Variants in MAGI1 observed in about 807,000 individuals in gnomAD.
The protein encoded by MAGI1 is membrane-associated guanylate kinase, WW and PDZ domain-containing protein 1.
Under a neutral mutation model 139.9 loss-of-function variants are expected in MAGI1, and 58 were observed. The ratio of observed to expected loss-of-function variants is 0.41; its 90% CI spans 0.34 to 0.52. MAGI1 has a LOEUF of 0.52. MAGI1 is among the 20% of genes least tolerant of loss of function. The pLI is 0.12. For missense variants in MAGI1, 1,874 were observed against 1,901.6 expected (o/e 0.99, Z 0.27); for synonymous variants, 812 against 737.9 (o/e 1.10, Z -1.63).
chr3:65,472,490 A>G (rs1039393260), intron 4 of MAGI1, among the ~76,000 whole-genome samples: 7 of 152,226 alleles, frequency 4.6e-5, no homozygotes, highest in African/African-American at 1.4e-4. Context: ...CCCATGAACT[A>G]AAAGAAAAAA....
chr3:65,761,133 T>A (rs2036991915), intron 1 of MAGI1, among the ~76,000 whole-genome samples: 2 of 152,158 alleles, frequency 1.3e-5, no homozygotes, highest in Admixed American at 1.3e-4. Flanking sequence ...TGATCTGGAA[T>A]CTTCAAGTCC....
At chr3:65,447,109 T>C (rs1011754736) in intron 7 of MAGI1, among the ~76,000 whole-genome samples, 11 of 152,214 alleles carry the variant, frequency 7.2e-5, no homozygotes, top group African/African-American at 2.2e-4. Flanking sequence ...CTCATACTGA[T>C]GTTAAACAAT....
At chr3:65,674,948 G>C (rs182570406) in intron 1 of MAGI1, among the ~76,000 whole-genome samples, 299 of 152,252 alleles carry the variant, frequency 2.0e-3, no homozygotes, top group African/African-American at 6.8e-3. Flanking sequence ...ATTTGCCTTT[G>C]CTCCTGGTTC....
intron 1 of MAGI1, among the ~76,000 whole-genome samples, chr3:65,899,334 G>A (rs814995): frequency 0.015 from 2,254 of 152,276 alleles, 46 homozygotes; most frequent in African/African-American, 0.051. Context: ...TCAGAGGAAG[G>A]AAGTTCATAA....
intron 1 of MAGI1, among the ~76,000 whole-genome samples, chr3:65,818,185 T>G (rs929615005): frequency 1.5e-4 from 23 of 152,156 alleles, no homozygotes; most frequent in African/African-American, 5.6e-4. Flanking sequence ...CAGAAAACAC[T>G]GATTAATTAG....
intron 18 of MAGI1, among the ~76,000 whole-genome samples, chr3:65,368,694 C>T (rs1035103761): frequency 1.2e-4 from 19 of 152,246 alleles, no homozygotes; most frequent in African/African-American, 3.6e-4. Context: ...AATTTGAATC[C>T]CATAAATATT....
chr3:65,896,230 G>A (rs1470367328), intron 1 of MAGI1, among the ~76,000 whole-genome samples: 1 of 151,698 alleles, frequency 6.6e-6, no homozygotes, highest in East Asian at 1.9e-4. Context: ...TGAAGTCCCA[G>A]TCAAAACTGA....
chr3:65,815,231 G>C (rs1489776067), intron 1 of MAGI1, among the ~76,000 whole-genome samples: 1 of 152,182 alleles, frequency 6.6e-6, no homozygotes, highest in East Asian at 1.9e-4. Flanking sequence ...CCATGATCTG[G>C]GAATGAAATA....
At chr3:65,656,979 CAAAAAAAAAA>C (rs58817001) in intron 1 of MAGI1, among the ~76,000 whole-genome samples, 2 of 73,960 alleles carry the variant, frequency 2.7e-5, no homozygotes, top group Admixed American at 1.8e-4. Context: ...GACACCATCT[CAAAAAAAAAA>C]AAAAAAAAAA....
intron 2 of MAGI1, among the ~76,000 whole-genome samples, chr3:65,563,907 C>T (rs2080484390): frequency 6.6e-6 from 1 of 152,170 alleles, no homozygotes; most frequent in Admixed American, 6.5e-5. Context: ...ATCATGGTTA[C>T]AAGCCTTCAC....
intron 1 of MAGI1, among the ~76,000 whole-genome samples, chr3:66,020,237 G>C (rs763477121): frequency 1.3e-5 from 2 of 152,142 alleles, no homozygotes; most frequent in Non-Finnish European, 2.9e-5. Flanking sequence ...CTCAGTTTGA[G>C]ACCAGCCTAG....
chr3:65,881,011 G>A (rs930142621), intron 1 of MAGI1, among the ~76,000 whole-genome samples: 15 of 151,836 alleles, frequency 9.9e-5, no homozygotes, highest in Admixed American at 7.9e-4. Context: ...GGGCTCAAGC[G>A]ATCTTCCCGC....
chr3:65,424,973 G>A (rs1380892018), intron 12 of MAGI1, among the ~76,000 whole-genome samples: 1 of 151,790 alleles, frequency 6.6e-6, no homozygotes, highest in Non-Finnish European at 1.5e-5. Context: ...CTATTCAGGA[G>A]GCTAAGGCAG....
At chr3:65,876,507 G>A (rs1354851787) in intron 1 of MAGI1, among the ~76,000 whole-genome samples, 1 of 151,732 alleles carries the variant, frequency 6.6e-6, no homozygotes, top group East Asian at 1.9e-4. Context: ...TCTTTACCAG[G>A]GATAACAGAA....
rs111990741 is a variant in MAGI1 at position 65,842,518 on chromosome 3, C to T, written c.313+195478G>A. Reference sequence around the variant, plus strand: ...CTGGGATTATAGGCATGTGCCACCACGCTGGGCTAATTTTGTATTTTTAGT... The same window carrying T: ...CTGGGATTATAGGCATGTGCCACCATGCTGGGCTAATTTTGTATTTTTAGT... On this transcript the variant is annotated intron_variant, in intron 1 of 22. Coordinates refer to ENST00000402939, the MANE Select transcript of MAGI1 (RefSeq NM_001033057.2). 3.3e-3 allele frequency among the ~76,000 whole-genome samples: 503 copies of T among 152,232 alleles called. 1 individual carries two copies. The highest frequency in any genetic ancestry group is 0.012 in the African/African-American group (481 of 41,536).
At chr3:65,596,090 C>T (rs2082181763) in intron 2 of MAGI1, among the ~76,000 whole-genome samples, 1 of 152,188 alleles carries the variant, frequency 6.6e-6, no homozygotes, top group South Asian at 2.1e-4. Context: ...AAGAATCCAA[C>T]TTCATATCTA....
At chr3:65,503,186 C>G (rs1158987765) in intron 2 of MAGI1, among the ~76,000 whole-genome samples, 1 of 152,142 alleles carries the variant, frequency 6.6e-6, no homozygotes, top group African/African-American at 2.4e-5. Flanking sequence ...GAATTGATGC[C>G]TCATTGTAAA....
intron 1 of MAGI1, among the ~76,000 whole-genome samples, chr3:65,714,529 A>G (rs2031957444): frequency 6.6e-6 from 1 of 152,038 alleles, no homozygotes; most frequent in South Asian, 2.1e-4. Flanking sequence ...TGCTCATGCC[A>G]CTTGTTGTGC....
chr3:65,485,252 T>A (rs1210967299), intron 3 of MAGI1, among the ~76,000 whole-genome samples: 4 of 152,180 alleles, frequency 2.6e-5, no homozygotes, highest in Admixed American at 2.0e-4. Flanking sequence ...TACTTTCTTT[T>A]TACTCTTCCT....
Sources: gnomAD v4.1 joint callset for allele counts (sites outside exome capture counted in the v4.1 genomes callset) on GRCh38, gnomAD v4.1.1 for gene constraint, MANE v1.5 for transcripts, NCBI Gene and HGNC (gene_info 2026-07-23, HGNC 2026-07-21) for gene names.